The following TRABD2B variants were observed in gnomAD, a reference collection of about 807,000 sequenced individuals.
TRABD2B encodes the protein TraB domain containing 2B.
Under a neutral mutation model 40.1 loss-of-function variants are expected in TRABD2B, and 14 were observed. That is an observed-to-expected ratio of 0.35 (90% CI 0.23 to 0.55). The LOEUF is 0.55. TRABD2B is among the 20% of genes least tolerant of loss of function. The pLI, the probability that TRABD2B is intolerant of heterozygous loss-of-function variation, is 0.90. For missense variants in TRABD2B, 541 were observed against 648.6 expected, an observed-to-expected ratio of 0.83 and a Z score of 1.80; for synonymous variants, 263 against 277.0, an observed-to-expected ratio of 0.95 and a Z score of 0.50.
intron 2 of TRABD2B, among the ~76,000 whole-genome samples, chr1:47,907,647 T>C (rs943580354): frequency 6.6e-6 from 1 of 152,160 alleles, no homozygotes; most frequent in African/African-American, 2.4e-5. Context: ...CCGGGTGCAC[T>C]CATGTTTGTT....
intron 2 of TRABD2B, among the ~76,000 whole-genome samples, chr1:47,876,318 C>T (rs748967014): frequency 7.2e-5 from 11 of 152,150 alleles, no homozygotes; most frequent in African/African-American, 1.2e-4. Context: ...AGTGTGATGT[C>T]GTCATTGCCC....
At chr1:47,786,636 G>T (rs1220772184) in intron 4 of TRABD2B, among the ~76,000 whole-genome samples, 6 of 152,264 alleles carry the variant, frequency 3.9e-5, no homozygotes, top group Non-Finnish European at 8.8e-5. Flanking sequence ...TCAAGCTCCA[G>T]CTTGGGGAGG....
chr1:47,791,851 C>T (rs2124198119), intron 4 of TRABD2B, among the ~76,000 whole-genome samples: 1 of 152,334 alleles, frequency 6.6e-6, no homozygotes, highest in East Asian at 1.9e-4. Context: ...GCTCAATGCC[C>T]TGCACACAAA....
chr1:47,801,630 G>GA lies in TRABD2B; in HGVS notation c.667-12dup. The GA allele has an allele frequency of 1.3e-6, 2 of 1,535,126 alleles. No individual in the cohort carries two copies. Among genetic ancestry groups the GA allele is most frequent in the Non-Finnish European group, 1.7e-6 (2 of 1,146,246 alleles). On this transcript the variant is annotated splice_polypyrimidine_tract_variant and intron_variant, in intron 2 of 6. Transcript: ENST00000606738. Reference sequence around the variant, plus strand: ...CAGGGCAAACAGCACCTGGGCCGAGGAAAGAGAGAGGAATGAGGGCTGTGC... The same window carrying GA: ...CAGGGCAAACAGCACCTGGGCCGAGGAAAAGAGAGAGGAATGAGGGCTGTGC...
chr1:47,801,177 A>G (rs1173533827), intron 3 of TRABD2B, among the ~76,000 whole-genome samples: 1 of 152,168 alleles, frequency 6.6e-6, no homozygotes, highest in East Asian at 1.9e-4. Flanking sequence ...CCAGATGTAG[A>G]ACTGAACCTC....
chr1:47,930,226 A>G (rs1212242637), intron 2 of TRABD2B, among the ~76,000 whole-genome samples: 2 of 152,228 alleles, frequency 1.3e-5, no homozygotes, highest in Admixed American at 1.3e-4. Flanking sequence ...AGGAGATGCC[A>G]GAGAAGAGAA....
rs551533046 is a variant in TRABD2B at position 47,767,841 on chromosome 1, G to A, written c.1350-1735C>T. On this transcript the variant is annotated intron_variant, in intron 6 of 6. Coordinates refer to ENST00000606738, the MANE Select transcript of TRABD2B (RefSeq NM_001194986.2). ...GGGCTGCATTTCCTCGGGCTGGGCC[G>A]TGAGGTCCTAACAGCTGGCCATAAT... is the stretch of plus-strand genomic sequence containing the variant. 3.9e-5 allele frequency among the ~76,000 whole-genome samples: 6 copies of A among 152,330 alleles called. No homozygotes were observed. The East Asian group carries it at 9.7e-4, about 25-fold the overall frequency.
intron 2 of TRABD2B, among the ~76,000 whole-genome samples, chr1:47,963,898 G>A (rs1318095631): frequency 1.3e-5 from 2 of 152,214 alleles, no homozygotes; most frequent in African/African-American, 4.8e-5. Context: ...TGCAACAGGA[G>A]CTCAACAAAC....
chr1:47,948,126 C>T (rs543623343), intron 2 of TRABD2B, among the ~76,000 whole-genome samples: 5 of 152,172 alleles, frequency 3.3e-5, no homozygotes, highest in East Asian at 1.9e-4. Flanking sequence ...ATTCTAATGA[C>T]GCAGGCCGTA....
intron 2 of TRABD2B, among the ~76,000 whole-genome samples, chr1:47,949,713 T>C (rs968756276): frequency 2.6e-5 from 4 of 151,934 alleles, no homozygotes; most frequent in Admixed American, 6.6e-5. Context: ...CAGCCTATGA[T>C]TGTACTTTCT....
At chr1:47,900,864 G>A (rs1644591442) in intron 2 of TRABD2B, among the ~76,000 whole-genome samples, 1 of 152,102 alleles carries the variant, frequency 6.6e-6, no homozygotes. Flanking sequence ...GGGCCATCCT[G>A]CTCTCTCAAT....
At chr1:47,844,909 T>A (rs1373801880) in intron 2 of TRABD2B, among the ~76,000 whole-genome samples, 2 of 152,180 alleles carry the variant, frequency 1.3e-5, no homozygotes, top group East Asian at 3.9e-4. Flanking sequence ...CCCTGTAATG[T>A]AAGAACTGCA....
chr1:47,964,073 C>G (rs1645562539), intron 2 of TRABD2B, among the ~76,000 whole-genome samples: 2 of 152,168 alleles, frequency 1.3e-5, no homozygotes, highest in Non-Finnish European at 1.5e-5. Context: ...CCCTACATTC[C>G]CCCTGCTTAA....
intron 5 of TRABD2B, among the ~76,000 whole-genome samples, chr1:47,777,108 A>G (rs945905925): frequency 6.6e-6 from 1 of 152,068 alleles, no homozygotes; most frequent in African/African-American, 2.4e-5. Context: ...GGGCTCTGAG[A>G]TGAATAGGAG....
chr1:47,938,820 T>C (rs1367258122), intron 2 of TRABD2B, among the ~76,000 whole-genome samples: 2 of 152,164 alleles, frequency 1.3e-5, no homozygotes, highest in Non-Finnish European at 2.9e-5. Context: ...ACCAGAGGAC[T>C]CATTTCTTCT....
At chr1:47,839,650 C>T (rs984840826) in intron 2 of TRABD2B, among the ~76,000 whole-genome samples, 3 of 152,118 alleles carry the variant, frequency 2.0e-5, no homozygotes, top group African/African-American at 2.4e-5. Context: ...TGTTCAAACC[C>T]GAGGGTCTGG....
At chr1:47,858,529 G>A (rs962522496) in intron 2 of TRABD2B, among the ~76,000 whole-genome samples, 3 of 152,168 alleles carry the variant, frequency 2.0e-5, no homozygotes, top group African/African-American at 7.2e-5. Flanking sequence ...GAAATGTTGG[G>A]ATTACAGGGG....
At position 47,990,769 on chromosome 1, in the gene TRABD2B, TTTTATATATATATATATATATATATATA is replaced by T. The variant is rs1197150936; in HGVS notation, c.666+3237_666+3264del. Among the ~76,000 whole-genome samples, 237 of 64,286 alleles carry T rather than the reference TTTTATATATATATATATATATATATATA, an allele frequency of 3.7e-3. 10 individuals carry two copies. The highest frequency in any genetic ancestry group is 5.9e-3 in the African/African-American group (90 of 15,316). 42.2% of individuals were successfully genotyped at this position (64,286 alleles called of 152,430 possible). A position where few individuals can be genotyped will look rare whatever the true frequency, so the allele number is the denominator to read the frequency against. ...CAAGTTGTTGGTTTTAAAACGTTGG[TTTTATATATATATATATATATATATATA>T]TATATATATATATATATATATATAT... is the stretch of plus-strand genomic sequence containing the variant. On this transcript the variant is annotated intron_variant, in intron 2 of 6. Transcript: ENST00000606738.
At chr1:47,865,647 C>G (rs1057118919) in intron 2 of TRABD2B, among the ~76,000 whole-genome samples, 1 of 152,144 alleles carries the variant, frequency 6.6e-6, no homozygotes, top group Non-Finnish European at 1.5e-5. Flanking sequence ...CAGAGAGGTT[C>G]TCATCCTCTT....
Sources: gnomAD v4.1 joint callset for allele counts (sites outside exome capture counted in the v4.1 genomes callset) on GRCh38, gnomAD v4.1.1 for gene constraint, MANE v1.5 for transcripts, NCBI Gene and HGNC (gene_info 2026-07-23, HGNC 2026-07-21) for gene names.